Variants in OCA2 observed in about 807,000 individuals in gnomAD.
The protein encoded by OCA2 is OCA2 melanosomal transmembrane protein.
In OCA2, 77 loss-of-function variants were observed where a neutral mutation model predicts 100.2. The observed-to-expected ratio is 0.77, with a 90% CI of 0.64 to 0.93. The LOEUF (loss-of-function observed/expected upper bound fraction) is 0.93. Ranked by LOEUF, OCA2 falls within the 40% of genes least tolerant of loss-of-function variation. OCA2 has a pLI of 0.00. For synonymous variants in OCA2, 432 were observed against 439.2 expected (o/e 0.98, Z 0.21); for missense variants, 1,062 against 1,089.1 (o/e 0.98, Z 0.35).
chr15:27,903,229 A>G (rs377015688), intron 19 of OCA2, among the ~76,000 whole-genome samples: 4 of 152,214 alleles, frequency 2.6e-5, no homozygotes, highest in African/African-American at 9.6e-5. Context: ...GTAAGTCCCG[A>G]CGGTCTGTCC....
At chr15:27,776,984 T>TGGGGGGAGGGGGGGGGGGGGGGGGGGGG (rs2032269715) in intron 23 of OCA2, among the ~76,000 whole-genome samples, 1 of 61,456 alleles carries the variant, frequency 1.6e-5, no homozygotes. Context: ...TGGGGGGGGG[T>TGGGGGGAGGGGGGGGGGGGGGGGGGGGG]GGGGGGAGTG....
chr15:28,004,811 A>T (rs1390548907), intron 9 of OCA2, among the ~76,000 whole-genome samples: 2 of 151,846 alleles, frequency 1.3e-5, no homozygotes, highest in African/African-American at 4.8e-5. Flanking sequence ...ACATGCACTT[A>T]AACAGTAATA....
At chr15:27,926,627 T>C (rs2039053160) in intron 18 of OCA2, among the ~76,000 whole-genome samples, 1 of 152,116 alleles carries the variant, frequency 6.6e-6, no homozygotes, top group Non-Finnish European at 1.5e-5. Context: ...GTTGTTGTTG[T>C]TTTGGGGGCC....
At chr15:28,019,577 C>T (rs557857359) in intron 6 of OCA2, among the ~76,000 whole-genome samples, 19 of 152,260 alleles carry the variant, frequency 1.2e-4, no homozygotes, top group Admixed American at 8.5e-4. Flanking sequence ...CGCTATTCAC[C>T]GGCTAAAGGA....
At chr15:28,069,471 T>A (rs2044150276) in intron 2 of OCA2, among the ~76,000 whole-genome samples, 1 of 118,056 alleles carries the variant, frequency 8.5e-6, no homozygotes, top group Non-Finnish European at 1.7e-5. Context: ...GGGCCGAAGC[T>A]GGACTGTACT....
intron 2 of OCA2, among the ~76,000 whole-genome samples, chr15:28,069,361 T>C (rs559874588): frequency 2.2e-3 from 16 of 7,428 alleles, no homozygotes; most frequent in African/African-American, 0.017. Context: ...ACCTGCCCTC[T>C]CCCTCTCCCT....
chr15:27,878,792 C>A (rs953057001), intron 19 of OCA2, among the ~76,000 whole-genome samples: 1 of 152,030 alleles, frequency 6.6e-6, no homozygotes, highest in Admixed American at 6.6e-5. Flanking sequence ...ATCTTTTTCT[C>A]TTAATCTCTT....
At chr15:27,967,814 T>C (rs1013963300) in intron 14 of OCA2, among the ~76,000 whole-genome samples, 1 of 152,260 alleles carries the variant, frequency 6.6e-6, no homozygotes, top group African/African-American at 2.4e-5. Flanking sequence ...CTGGAATAAG[T>C]CAGCGGCGTC....
At chr15:27,854,147 G>A (rs771722720) in intron 21 of OCA2, among the ~76,000 whole-genome samples, 6 of 152,212 alleles carry the variant, frequency 3.9e-5, no homozygotes, top group Admixed American at 6.5e-5. Flanking sequence ...GATAGAATGT[G>A]GGTGGGTTGG....
At chr15:27,921,863 G>A (rs1172549258) in intron 19 of OCA2, among the ~76,000 whole-genome samples, 1 of 152,110 alleles carries the variant, frequency 6.6e-6, no homozygotes, top group African/African-American at 2.4e-5. Flanking sequence ...CACCATGCCA[G>A]CTAATTTTTT....
chr15:27,985,319 A>G (rs2041317041), intron 12 of OCA2, 131 bp from the exon 13 acceptor site: 2 of 1,087,550 alleles, frequency 1.8e-6, no homozygotes, highest in Non-Finnish European at 2.7e-6. Flanking sequence ...ACATAGACCC[A>G]CGGAGTCCTA....
chr15:27,836,325 A>G (rs1431533457), intron 23 of OCA2, among the ~76,000 whole-genome samples: 4 of 152,218 alleles, frequency 2.6e-5, no homozygotes, highest in South Asian at 2.1e-4. Flanking sequence ...TGAGAAGCCT[A>G]AGGCCCATTT....
intron 19 of OCA2, among the ~76,000 whole-genome samples, chr15:27,889,516 G>A (rs933879826): frequency 3.3e-5 from 5 of 152,154 alleles, no homozygotes; most frequent in Admixed American, 2.0e-4. Context: ...GACATCTGGG[G>A]TACCTGGCCT....
chr15:27,758,657 G>T (rs771848503), intron 23 of OCA2, among the ~76,000 whole-genome samples: 22 of 152,042 alleles, frequency 1.4e-4, no homozygotes, highest in Non-Finnish European at 3.1e-4. Flanking sequence ...CTATAAAGGA[G>T]GACCACATGG....
intron 3 of OCA2, 116 bp downstream of exon 3, chr15:28,031,949 G>C (rs1370089927): frequency 1.3e-6 from 1 of 793,382 alleles, no homozygotes; most frequent in Non-Finnish European, 2.3e-6. Context: ...AATTGTCAAG[G>C]ATCTGGCAGA....
chr15:27,768,601 C>T (rs1235279158), intron 23 of OCA2, among the ~76,000 whole-genome samples: 2 of 152,234 alleles, frequency 1.3e-5, no homozygotes, highest in African/African-American at 4.8e-5. Flanking sequence ...TCTGAGTGTA[C>T]ATTCAGGGCA....
intron 21 of OCA2, among the ~76,000 whole-genome samples, chr15:27,859,159 G>A (rs979318696): frequency 1.3e-5 from 2 of 151,896 alleles, no homozygotes; most frequent in African/African-American, 2.4e-5. Flanking sequence ...AGTAGAATGA[G>A]GGAAATAAGA....
chr15:27,763,061 T>C (rs1200560977), intron 23 of OCA2, among the ~76,000 whole-genome samples: 3 of 152,174 alleles, frequency 2.0e-5, no homozygotes, highest in Non-Finnish European at 4.4e-5. Context: ...TCTAGAGCAA[T>C]TGGGTATCTA....
chr15:27,811,573 C>T (rs927561000), intron 23 of OCA2, among the ~76,000 whole-genome samples: 1 of 152,080 alleles, frequency 6.6e-6, no homozygotes, highest in African/African-American at 2.4e-5. Context: ...AAATGCAGGT[C>T]TATTGATTTC....
Sources: allele counts gnomAD v4.1 joint callset (sites outside exome capture counted in the v4.1 genomes callset), GRCh38; gene constraint gnomAD v4.1.1; transcripts MANE v1.5; gene names NCBI Gene and HGNC (gene_info 2026-07-23, HGNC 2026-07-21).